ATP2B2: variants seen among roughly 807,000 people sequenced by gnomAD.
ATP2B2 encodes plasma membrane calcium-transporting ATPase 2.
Under a neutral mutation model 120.0 loss-of-function variants are expected in ATP2B2, and 15 were observed. That is an observed-to-expected ratio of 0.12 (90% CI 0.08 to 0.19). ATP2B2 has a LOEUF of 0.19. Among genes scored for constraint, ATP2B2 ranks in the 10% least tolerant of loss-of-function variants. The probability of loss-of-function intolerance (pLI) is 1.00; values close to 1 mark genes in which losing one functional copy is unlikely to be tolerated. For missense variants in ATP2B2, 1,045 were observed against 1,719.8 expected, an observed-to-expected ratio of 0.61 and a Z score of 6.94; for synonymous variants, 694 against 700.3, an observed-to-expected ratio of 0.99 and a Z score of 0.14.
At chr3:10,331,205 C>A (rs1047539399) in intron 22 of ATP2B2, among the ~76,000 whole-genome samples, 2 of 152,252 alleles carry the variant, frequency 1.3e-5, no homozygotes, top group Non-Finnish European at 2.9e-5. Context: ...GCTCTTTCCC[C>A]CTGGAGTCCC....
intron 2 of ATP2B2, among the ~76,000 whole-genome samples, chr3:10,614,936 G>C (rs1263676818): frequency 6.6e-6 from 1 of 152,228 alleles, no homozygotes; most frequent in Non-Finnish European, 1.5e-5. Flanking sequence ...CTGAAACCAA[G>C]TTGTCATATG....
In ATP2B2 at chr3:10,586,413, G is replaced by A. The variant is rs192805378; in HGVS notation, c.-415+33504C>T. Among the ~76,000 whole-genome samples, 20 of 152,322 alleles carry A rather than the reference G, an allele frequency of 1.3e-4. No individual in the cohort carries two copies. In the East Asian group the frequency reaches 2.1e-3, roughly 16 times the overall value. On this transcript the variant is annotated intron_variant, in intron 2 of 21. Coordinates refer to the ATP2B2 transcript ENST00000646379. ...CCAAGAGGCAGATCTTACTTTTGCC[G>A]TTTTGCAGATGAGCAAACTGAGGCT...
At chr3:10,480,147 C>T (rs1009794293) in intron 1 of ATP2B2, among the ~76,000 whole-genome samples, 1 of 152,162 alleles carries the variant, frequency 6.6e-6, no homozygotes, top group East Asian at 1.9e-4. Context: ...GGAACTATAA[C>T]GTTCTCCAGG....
intron 1 of ATP2B2, among the ~76,000 whole-genome samples, chr3:10,454,502 C>T (rs549326803): frequency 6.6e-4 from 100 of 152,306 alleles, no homozygotes; most frequent in Non-Finnish European, 1.3e-3. Context: ...TGATCTCATA[C>T]TTCCTTCTCT....
chr3:10,434,049 C>T (rs1408397102), intron 2 of ATP2B2, among the ~76,000 whole-genome samples: 1 of 152,136 alleles, frequency 6.6e-6, no homozygotes, highest in African/African-American at 2.4e-5. Flanking sequence ...AATGCAGCAG[C>T]TTATTTGAAT....
Position 10,400,989 on chromosome 3 carries a change from G to A in ATP2B2, c.745C>T (p.Arg249Cys), listed in dbSNP as rs1057261655. 10 of 1,614,028 alleles carry A rather than the reference G, an allele frequency of 6.2e-6. No homozygotes were observed. Among genetic ancestry groups the A allele is most frequent in the South Asian group, 2.2e-5 (2 of 91,078 alleles). Residue 249 changes from arginine (R) to cysteine (C), a missense_variant, in exon 5 of 23, where the codon CGC becomes TGC. Arg to Cys is a radical substitution (Grantham distance 180). Coordinates refer to ENST00000360273, the MANE Select transcript of ATP2B2 (RefSeq NM_001001331.4). The part of the protein sequence containing the change: ...SSLTGESDQV[R>C]KSVDKDPMLL... ...ATGGGGTCCTTGTCCACGGACTTGC[G>A]CACCTGGTCAGACTCTCCAGTTAGG...
chr3:10,672,301 CTTTGGAT>C (rs2071121645), intron 1 of ATP2B2, among the ~76,000 whole-genome samples: 1 of 152,202 alleles, frequency 6.6e-6, no homozygotes, highest in African/African-American at 2.4e-5. Context: ...CAGAAGAGGC[CTTTGGAT>C]TTTGTCCTTA....
In ATP2B2 at chr3:10,340,532, G is replaced by A; in HGVS notation, c.3090C>T (p.Pro1030=). 2 of 1,614,260 alleles carry A rather than the reference G, an allele frequency of 1.2e-6. No individual in the cohort carries two copies. Among genetic ancestry groups the A allele is most frequent in the East Asian group, 2.2e-5 (1 of 44,886 alleles). The change falls in exon 20 of 23, where the codon CCC becomes CCT. Residue 1030 remains proline, a synonymous_variant. Coordinates refer to ENST00000360273, the MANE Select transcript of ATP2B2 (RefSeq NM_001001331.4). This position sits in a 1 kb window ranked among gnomAD's most constrained non-coding sequence, Gnocchi z 5.0. ...TGCCCAGCACGATGGTGCAGAAGAT[G>A]GGGTTCCGGAAGATGCCGTCAAAGA... is the stretch of plus-strand genomic sequence containing the variant. The part of the protein sequence containing the change: ...RNVFDGIFRN[P]IFCTIVLGTF...
chr3:10,612,302 C>T (rs1227889873), intron 2 of ATP2B2, among the ~76,000 whole-genome samples: 1 of 152,238 alleles, frequency 6.6e-6, no homozygotes, highest in African/African-American at 2.4e-5. Context: ...CCTCTCCTTT[C>T]CAGAAGCAAC....
At chr3:10,413,240 G>A (rs1171018504) in intron 2 of ATP2B2, among the ~76,000 whole-genome samples, 1 of 152,214 alleles carries the variant, frequency 6.6e-6, no homozygotes, top group Non-Finnish European at 1.5e-5. Flanking sequence ...GCAGCCTGTG[G>A]TTTGGGAGTC....
At chr3:10,425,290 A>G (rs1250499080) in intron 2 of ATP2B2, among the ~76,000 whole-genome samples, 1 of 151,924 alleles carries the variant, frequency 6.6e-6, no homozygotes, top group Non-Finnish European at 1.5e-5. Context: ...AGCATGGGTG[A>G]CAGAGCGAGA....
intron 1 of ATP2B2, among the ~76,000 whole-genome samples, chr3:10,641,191 T>C (rs2070162045): frequency 6.6e-6 from 1 of 152,228 alleles, no homozygotes; most frequent in South Asian, 2.1e-4. Flanking sequence ...GCATAGCTTT[T>C]GTAGACAACT....
intron 2 of ATP2B2, among the ~76,000 whole-genome samples, chr3:10,545,434 C>T (rs994900271): frequency 6.3e-4 from 96 of 151,400 alleles, no homozygotes; most frequent in African/African-American, 2.2e-3. Flanking sequence ...GAGGCTGCAG[C>T]GAGAGAATCG....
chr3:10,409,540 C>T (rs2062534914), intron 3 of ATP2B2, among the ~76,000 whole-genome samples: 1 of 152,164 alleles, frequency 6.6e-6, no homozygotes, highest in Non-Finnish European at 1.5e-5. Flanking sequence ...CCTTTTCTGG[C>T]TGGCTTTCTG....
chr3:10,547,461 G>A (rs2067574693), intron 2 of ATP2B2, among the ~76,000 whole-genome samples: 2 of 152,174 alleles, frequency 1.3e-5, no homozygotes, highest in African/African-American at 4.8e-5. Flanking sequence ...GGAAGTCGCT[G>A]GCCCACGGTC....
intron 14 of ATP2B2, among the ~76,000 whole-genome samples, chr3:10,355,884 TAACACG>T (rs1487748763): frequency 5.0e-5 from 3 of 59,822 alleles, no homozygotes; most frequent in African/African-American, 1.2e-4. Context: ...CCATCCTGGC[TAACACG>T]GTGAAACCCC....
At chr3:10,511,409 G>T (rs928540699) in intron 3 of ATP2B2, among the ~76,000 whole-genome samples, 3 of 152,232 alleles carry the variant, frequency 2.0e-5, no homozygotes, top group Non-Finnish European at 4.4e-5. Flanking sequence ...ACTGGGAAAA[G>T]ATCCTCAATA....
chr3:10,402,327 C>G lies in ATP2B2; in HGVS notation c.419G>C (p.Gly140Ala). 1 of 1,613,816 alleles carries G rather than the reference C, an allele frequency of 6.2e-7. No homozygotes were observed. Among genetic ancestry groups the G allele is most frequent in the Non-Finnish European group, 8.5e-7 (1 of 1,180,048 alleles). ...GNEGCATAQG[G>A]AEDEGEAEAG... The stretch of plus-strand genomic sequence containing the variant: ...CTCTGCCTCTCCTTCATCCTCTGCC[C>G]CACCCTGGGCCGTCGCACATCCTGA... The change falls in exon 4 of 23, where the codon GGG becomes GCG. Residue 140 changes from glycine to alanine, a missense_variant. Gly to Ala is a moderately conservative substitution (Grantham distance 60, BLOSUM62 0). Around this residue, in one of 11 missense-constraint regions of ATP2B2, gnomAD observed 35 missense variants for 37.2 expected, o/e 0.94. Coordinates refer to ENST00000360273, the MANE Select transcript of ATP2B2 (RefSeq NM_001001331.4). This position sits in a 1 kb window ranked among gnomAD's most constrained non-coding sequence, Gnocchi z 4.9.
chr3:10,556,111 G>A (rs967037729), intron 2 of ATP2B2, among the ~76,000 whole-genome samples: 1 of 152,164 alleles, frequency 6.6e-6, no homozygotes, highest in Non-Finnish European at 1.5e-5. Context: ...TGTTGACCAG[G>A]CTGGTCTCAA....
Sources: allele counts gnomAD v4.1 joint callset (sites outside exome capture counted in the v4.1 genomes callset), GRCh38; gene constraint gnomAD v4.1.1; regional missense constraint gnomAD v4.1.1; non-coding constraint Gnocchi (gnomAD v3.1); transcripts MANE v1.5; gene names NCBI Gene and HGNC (gene_info 2026-07-23, HGNC 2026-07-21).